SLMAP: variants seen among roughly 807,000 people sequenced by gnomAD.
SLMAP encodes the protein sarcolemmal membrane-associated protein.
A neutral mutation model predicts 128.8 loss-of-function variants in SLMAP; 44 were observed. The ratio of observed to expected loss-of-function variants is 0.34; its 90% CI spans 0.27 to 0.44. The LOEUF is 0.44. Ranked by LOEUF, SLMAP falls within the 20% of genes least tolerant of loss-of-function variation. The pLI, the probability that SLMAP is intolerant of heterozygous loss-of-function variation, is 1.00. For synonymous variants in SLMAP, 327 were observed against 348.8 expected (o/e 0.94, Z 0.70); for missense variants, 787 against 985.3 (o/e 0.80, Z 2.69).
chr3:57,778,847 A>G (rs2082438592), intron 2 of SLMAP, among the ~76,000 whole-genome samples: 1 of 152,048 alleles, frequency 6.6e-6, no homozygotes, highest in Non-Finnish European at 1.5e-5. Context: ...TTCTCTTCTA[A>G]TGAATCATGT....
intron 2 of SLMAP, among the ~76,000 whole-genome samples, chr3:57,775,509 CAAAAAAAAAAAAAAAAAA>C (rs1009755128): frequency 2.8e-4 from 6 of 21,182 alleles, no homozygotes; most frequent in African/African-American, 6.5e-4. Context: ...CCTGTTGGTA[CAAAAAAAAAAAAAAAAAA>C]AAAAAAAAAA....
rs768802511 is a variant in SLMAP, at chr3:57,757,726, C to T, written c.75C>T (p.Asp25=). Residue 25 remains aspartate, a synonymous_variant, in exon 2 of 25, where the codon GAC becomes GAT. Transcript: ENST00000671191. ...TTCAGGAGCGTCATGTCTACCTGGA[C>T]GAGCCCATCAAAATCGGCCGCTCAG... The part of the protein sequence containing the change: ...HPFQERHVYL[D]EPIKIGRSVA... 9.3e-6 allele frequency: 15 copies of T among 1,614,010 alleles called. No homozygotes were observed. The highest frequency in any genetic ancestry group is 6.7e-5 in the East Asian group (3 of 44,874).
chr3:57,857,803 A>G lies in SLMAP; in HGVS notation c.590A>G (p.Gln197Arg). The stretch of plus-strand genomic sequence containing the variant: ...CTTCAGCGGCTACTAGCCATCACCC[A>G]AGAGGCTTCAGATACCAGTTGGCAG... ...ATLQRLLAIT[Q>R]EASDTSWQAL... The change falls in exon 7 of 25, where the codon CAA becomes CGA. Residue 197 changes from glutamine (Q) to arginine (R), a missense_variant. Gln to Arg is a conservative substitution (Grantham distance 43, BLOSUM62 1). Around this residue, in one of 2 missense-constraint regions of SLMAP, gnomAD observed 715 missense variants for 843.6 expected, o/e 0.85. Coordinates refer to ENST00000671191, the MANE Select transcript of SLMAP (RefSeq NM_001377540.1). 6.2e-7 allele frequency: 1 copy of G among 1,612,846 alleles called. No individual in the cohort carries two copies. The highest frequency in any genetic ancestry group is 8.5e-7 in the Non-Finnish European group (1 of 1,178,834).
chr3:57,884,624 A>G (rs2095832749), intron 14 of SLMAP, among the ~76,000 whole-genome samples: 1 of 152,154 alleles, frequency 6.6e-6, no homozygotes, highest in Non-Finnish European at 1.5e-5. Context: ...CTTGGGCAAC[A>G]TGGCGAAACC....
At chr3:57,891,617 C>T (rs2096072966) in intron 15 of SLMAP, among the ~76,000 whole-genome samples, 1 of 151,394 alleles carries the variant, frequency 6.6e-6, no homozygotes, top group South Asian at 2.1e-4. Context: ...GCTCATGTTG[C>T]CCAGGCTGGA....
At chr3:57,869,660 A>ATATATATATATAAT (rs1553900183) in intron 13 of SLMAP, among the ~76,000 whole-genome samples, 2 of 81,390 alleles carry the variant, frequency 2.5e-5, no homozygotes, top group East Asian at 1.3e-3. Context: ...ATATATATAT[A>ATATATATATATAAT]ATATATATAA....
chr3:57,831,840 A>G (rs2093356285), intron 3 of SLMAP, among the ~76,000 whole-genome samples: 1 of 152,102 alleles, frequency 6.6e-6, no homozygotes, highest in Non-Finnish European at 1.5e-5. Context: ...TTAATGAGAG[A>G]TCTGGAGGCA....
intron 13 of SLMAP, among the ~76,000 whole-genome samples, chr3:57,870,301 G>C (rs1250265387): frequency 6.6e-6 from 1 of 151,840 alleles, no homozygotes; most frequent in Non-Finnish European, 1.5e-5. Context: ...TATACTGAGG[G>C]CTCCCGTTTT....
intron 13 of SLMAP, among the ~76,000 whole-genome samples, chr3:57,869,690 T>A (rs994446484): frequency 7.7e-6 from 1 of 129,640 alleles, no homozygotes; most frequent in South Asian, 2.4e-4. Context: ...ATTCTAATGA[T>A]CTATTTTGCC....
At chr3:57,898,808 GTTTGCCATTTATTTGTA>G (rs1047975011) in intron 17 of SLMAP, 4 of 152,184 alleles carry the variant, frequency 2.6e-5, no homozygotes, top group Non-Finnish European at 5.9e-5. Context: ...TCAGTCATAG[GTTTGCCATTTATTTGTA>G]ATATGTCCTT....
chr3:57,912,148 C>T, intron 19 of SLMAP: 1 of 418,818 alleles, frequency 2.4e-6, no homozygotes, highest in Non-Finnish European at 4.4e-6. Context: ...GGAAAAAATC[C>T]AGAAGGAATA....
Position 57,916,939 on chromosome 3 carries a change from T to A in SLMAP, c.2172T>A (p.Asp724Glu). Residue 724 changes from aspartate to glutamate, a missense_variant, in exon 22 of 25, where the codon GAT (aspartate) becomes GAA (glutamate). By Grantham distance (45) the Asp-to-Glu change is conservative. Transcript: ENST00000671191. ...SQKQSLELTS[D>E]LSILQMSRKE... is the part of the protein sequence containing the mutation. Reference sequence around the variant, plus strand: ...AGCAGAGTTTAGAGCTTACCAGTGATCTCAGCATCCTTCAAATGTCTAGGA... The same window carrying A: ...AGCAGAGTTTAGAGCTTACCAGTGAACTCAGCATCCTTCAAATGTCTAGGA... The A allele has an allele frequency of 6.2e-7, 1 of 1,613,932 alleles. No individual in the cohort carries two copies. The highest frequency in any genetic ancestry group is 2.2e-5 in the East Asian group (1 of 44,818).
chr3:57,857,897 C>T, intron 7 of SLMAP, 69 bp downstream of exon 7: 1 of 1,133,972 alleles, frequency 8.8e-7, no homozygotes, highest in South Asian at 1.3e-5. Flanking sequence ...GTTAAATAAA[C>T]TAAAATGTAG....
At chr3:57,890,813 G>A (rs910238442) in intron 15 of SLMAP, 7 of 152,204 alleles carry the variant, frequency 4.6e-5, no homozygotes, top group African/African-American at 1.7e-4. Context: ...TAGATTCACA[G>A]TCCTTTTGGC....
At position 57,908,006 on chromosome 3, in the gene SLMAP, G is replaced by A. The variant is rs762108458; in HGVS notation, c.1624G>A (p.Ala542Thr). ...TSKQKCFELQALLEEERKAYR... is the reference protein window; with the variant it reads ...TSKQKCFELQTLLEEERKAYR... ...TAAACAAAAATGCTTTGAACTTCAAGGTGAGATCAAGATTACTTTGGTTCT... is the reference window on the plus strand; with the variant it reads ...TAAACAAAAATGCTTTGAACTTCAAAGTGAGATCAAGATTACTTTGGTTCT... Residue 542 changes from alanine (A) to threonine (T), a missense_variant and splice_region_variant, in exon 18 of 25, where the codon GCT (alanine) becomes ACT (threonine). Physicochemically the swap from Ala to Thr is moderately conservative, Grantham distance 58 (BLOSUM62 0). Coordinates refer to ENST00000671191, the MANE Select transcript of SLMAP (RefSeq NM_001377540.1). 1.4e-5 allele frequency: 23 copies of A among 1,613,154 alleles called. No homozygotes were observed. Among genetic ancestry groups the A allele is most frequent in the Non-Finnish European group, 8.5e-6 (10 of 1,179,522 alleles).
intron 2 of SLMAP, among the ~76,000 whole-genome samples, chr3:57,771,548 T>C (rs1020396176): frequency 6.6e-6 from 1 of 152,020 alleles, no homozygotes; most frequent in Non-Finnish European, 1.5e-5. Flanking sequence ...TCTTTTTTTT[T>C]AGACAGGGTC....
chr3:57,813,215 C>T (rs2091304214), intron 2 of SLMAP, among the ~76,000 whole-genome samples: 1 of 151,582 alleles, frequency 6.6e-6, no homozygotes, highest in South Asian at 2.1e-4. Flanking sequence ...CCTGCCTCAG[C>T]GTCTCGAGCA....
intron 14 of SLMAP, among the ~76,000 whole-genome samples, chr3:57,873,308 A>T (rs1222086349): frequency 6.6e-6 from 1 of 151,890 alleles, no homozygotes; most frequent in Non-Finnish European, 1.5e-5. Flanking sequence ...TTTGAGATGA[A>T]CCTGGCCAAC....
At chr3:57,894,171 A>G (rs1331091221) in intron 15 of SLMAP, among the ~76,000 whole-genome samples, 2 of 152,164 alleles carry the variant, frequency 1.3e-5, no homozygotes, top group Non-Finnish European at 2.9e-5. Flanking sequence ...GTGTATGACT[A>G]TGTGAAGTTA....
Sources: allele counts gnomAD v4.1 joint callset (sites outside exome capture counted in the v4.1 genomes callset), GRCh38; gene constraint gnomAD v4.1.1; regional missense constraint gnomAD v4.1.1; transcripts MANE v1.5; gene names NCBI Gene and HGNC (gene_info 2026-07-23, HGNC 2026-07-21).